CHN2: variants seen among roughly 807,000 people sequenced by gnomAD.
CHN2 encodes chimerin 2, also known as beta-chimaerin.
Under a neutral mutation model 56.3 loss-of-function variants are expected in CHN2, and 35 were observed. That is an observed-to-expected ratio of 0.62 (90% CI 0.47 to 0.82). The LOEUF (loss-of-function observed/expected upper bound fraction) is 0.82, where lower values mean the gene tolerates loss of function less well. CHN2 is among the 40% of genes least tolerant of loss of function. The probability of loss-of-function intolerance (pLI) is 0.00; values close to 1 mark genes in which losing one functional copy is unlikely to be tolerated. For synonymous variants in CHN2, 210 were observed against 212.8 expected (o/e 0.99, Z 0.12); for missense variants, 491 against 580.5 (o/e 0.85, Z 1.58).
At chr7:29,376,006 AG>A (rs760104212) in intron 3 of CHN2, among the ~76,000 whole-genome samples, 7 of 152,228 alleles carry the variant, frequency 4.6e-5, no homozygotes, top group Non-Finnish European at 8.8e-5. Context: ...TGATAAAGGC[AG>A]GTTATACTTT....
chr7:29,303,673 A>G (rs1001652385), intron 1 of CHN2, among the ~76,000 whole-genome samples: 6 of 152,174 alleles, frequency 3.9e-5, no homozygotes, highest in African/African-American at 1.4e-4. Context: ...CTTAACACCT[A>G]TCCTTCCAAA....
intron 1 of CHN2, among the ~76,000 whole-genome samples, chr7:29,271,704 A>G (rs1790658839): frequency 6.6e-6 from 1 of 152,210 alleles, no homozygotes; most frequent in Non-Finnish European, 1.5e-5. Context: ...TGAATTATTT[A>G]GGGCTTTCAT....
chr7:29,465,955 G>T (rs1439464203), intron 6 of CHN2, among the ~76,000 whole-genome samples: 1 of 152,182 alleles, frequency 6.6e-6, no homozygotes, highest in East Asian at 1.9e-4. Flanking sequence ...TGTGATCCCA[G>T]CACTTTGGGA....
chr7:29,442,305 C>T (rs1013110843), intron 6 of CHN2, among the ~76,000 whole-genome samples: 5 of 152,282 alleles, frequency 3.3e-5, no homozygotes, highest in Middle Eastern at 3.4e-3. Context: ...GGGTGCATCT[C>T]AGGTTACAGT....
chr7:29,305,841 T>C (rs982914643), intron 1 of CHN2, among the ~76,000 whole-genome samples: 4 of 150,492 alleles, frequency 2.7e-5, no homozygotes, highest in African/African-American at 1.0e-4. Flanking sequence ...CCTCCTCCTT[T>C]TCCTTTCTCT....
intron 1 of CHN2, among the ~76,000 whole-genome samples, chr7:29,231,252 A>C (rs1786680859): frequency 6.6e-6 from 1 of 152,158 alleles, no homozygotes; most frequent in African/African-American, 2.4e-5. Flanking sequence ...CCACTGTTTA[A>C]ATACTGCCAC....
intron 6 of CHN2, among the ~76,000 whole-genome samples, chr7:29,432,552 G>A (rs766302902): frequency 7.2e-5 from 11 of 152,108 alleles, no homozygotes; most frequent in Non-Finnish European, 1.3e-4. Flanking sequence ...TACTATACTC[G>A]CCTACTAAGC....
Position 29,410,038 on chromosome 7 carries a change from C to A in CHN2, c.576+9210C>A, listed in dbSNP as rs1043896387. ...CCTGAGCACGACCTCAGAGCTCTTC[C>A]CAGTGGCTCTCACTAGGCGGTGGGG... On this transcript the variant is annotated intron_variant, in intron 6 of 12. Coordinates refer to ENST00000222792, the MANE Select transcript of CHN2 (RefSeq NM_004067.4). Among the ~76,000 whole-genome samples, 7 of 152,304 alleles carry A rather than the reference C, an allele frequency of 4.6e-5. No individual in the cohort carries two copies. In the South Asian group the frequency reaches 8.3e-4, roughly 18 times the overall value.
chr7:29,227,355 G>T (rs1786287354), intron 1 of CHN2, among the ~76,000 whole-genome samples: 1 of 152,152 alleles, frequency 6.6e-6, no homozygotes, highest in Admixed American at 6.5e-5. Flanking sequence ...TCATTAAATT[G>T]TTCCTTGTTC....
chr7:29,177,237 ATTTTG>A (rs10535682), intron 2 of CHN2, among the ~76,000 whole-genome samples: 107,386 of 146,632 alleles, frequency 0.73, 39,554 homozygotes, highest in East Asian at 0.99. Context: ...TTTTTGTTTT[ATTTTG>A]TTTTGTTTTG....
At chr7:29,472,491 A>T (rs1220932141) in intron 6 of CHN2, among the ~76,000 whole-genome samples, 1 of 152,196 alleles carries the variant, frequency 6.6e-6, no homozygotes, top group African/African-American at 2.4e-5. Flanking sequence ...GCAGGATTTA[A>T]CATTTTGTGG....
chr7:29,428,356 A>G (rs1805092818), intron 6 of CHN2, among the ~76,000 whole-genome samples: 1 of 152,214 alleles, frequency 6.6e-6, no homozygotes, highest in Non-Finnish European at 1.5e-5. Context: ...TCCCACTTGC[A>G]TCATGGTCCA....
intron 2 of CHN2, among the ~76,000 whole-genome samples, chr7:29,363,147 T>A (rs769226698): frequency 6.6e-5 from 10 of 152,088 alleles, no homozygotes; most frequent in African/African-American, 1.2e-4. Context: ...AGCTTAGTAG[T>A]ATTGGGCTGA....
At chr7:29,331,719 G>A (rs533953776) in intron 1 of CHN2, among the ~76,000 whole-genome samples, 2 of 152,312 alleles carry the variant, frequency 1.3e-5, no homozygotes, top group South Asian at 4.1e-4. Context: ...GGAGAGGGAA[G>A]GAGTGCAGAG....
At chr7:29,324,458 G>T (rs1414160106) in intron 1 of CHN2, among the ~76,000 whole-genome samples, 1 of 152,170 alleles carries the variant, frequency 6.6e-6, no homozygotes, top group African/African-American at 2.4e-5. Flanking sequence ...CAAGATAGGG[G>T]TTGGGTTAGT....
chr7:29,204,534 T>C (rs1784389372), intron 1 of CHN2, among the ~76,000 whole-genome samples: 1 of 152,192 alleles, frequency 6.6e-6, no homozygotes, highest in Non-Finnish European at 1.5e-5. Flanking sequence ...ATAATACTAT[T>C]TTTGCTGATT....
intron 1 of CHN2, among the ~76,000 whole-genome samples, chr7:29,283,102 T>C (rs572686953): frequency 1.3e-5 from 2 of 152,132 alleles, no homozygotes; most frequent in Admixed American, 6.5e-5. Context: ...TGCCTGAGAG[T>C]GCGTCGATGT....
intron 2 of CHN2, among the ~76,000 whole-genome samples, chr7:29,157,260 C>G (rs1794506617): frequency 6.6e-6 from 1 of 152,126 alleles, no homozygotes; most frequent in Non-Finnish European, 1.5e-5. Flanking sequence ...GACCCCTCCC[C>G]CACCCTGCTA....
chr7:29,474,099 T>G (rs750321561), intron 6 of CHN2, among the ~76,000 whole-genome samples: 19 of 152,222 alleles, frequency 1.2e-4, no homozygotes, highest in Non-Finnish European at 2.5e-4. Context: ...TGTTTTCTTC[T>G]GATATTTTCT....
Sources: allele counts gnomAD v4.1 joint callset (sites outside exome capture counted in the v4.1 genomes callset), GRCh38; gene constraint gnomAD v4.1.1; transcripts MANE v1.5; gene names NCBI Gene and HGNC (gene_info 2026-07-23, HGNC 2026-07-21).